PRKAR1B: variants seen among roughly 807,000 people sequenced by gnomAD.
PRKAR1B encodes protein kinase cAMP-dependent type I regulatory subunit beta.
PRKAR1B carries 22 observed loss-of-function variants against 46.5 expected under a neutral mutation model. That is an observed-to-expected ratio of 0.47 (90% CI 0.34 to 0.68). PRKAR1B has a LOEUF of 0.68. Among genes scored for constraint, PRKAR1B ranks in the 30% least tolerant of loss-of-function variants. The pLI is 0.01. For synonymous variants in PRKAR1B, 259 were observed against 217.7 expected (o/e 1.19, Z -1.67); for missense variants, 445 against 535.6 (o/e 0.83, Z 1.67).
intron 7 of PRKAR1B, among the ~76,000 whole-genome samples, chr7:594,621 G>A (rs1244430395): frequency 6.6e-6 from 1 of 152,100 alleles, no homozygotes; most frequent in East Asian, 1.9e-4. Context: ...GAGGCCATAA[G>A]GGGACACCTC....
chr7:678,770 C>T (rs1336745077), intron 3 of PRKAR1B, among the ~76,000 whole-genome samples: 1 of 152,244 alleles, frequency 6.6e-6, no homozygotes, highest in South Asian at 2.1e-4. Context: ...AAAAGCCACT[C>T]CAGTTCTAAC....
At chr7:659,810 G>A (rs1480151220) in intron 4 of PRKAR1B, among the ~76,000 whole-genome samples, 1 of 152,098 alleles carries the variant, frequency 6.6e-6, no homozygotes, top group Non-Finnish European at 1.5e-5. Context: ...GGGCTTAAGC[G>A]ACCTGCCACC....
chr7:593,137 C>T lies in PRKAR1B; in HGVS notation c.708+3009G>A, dbSNP rs573142768. ...TGGGAGCCTAGAGGTGGGGTCACCC[C>T]ATCCTTCCTCGGATAAAACGTGAAG... On this transcript the variant is annotated intron_variant, in intron 7 of 10. Coordinates refer to ENST00000537384, the MANE Select transcript of PRKAR1B (RefSeq NM_001164760.2). This position sits in a 1 kb window ranked among gnomAD's most constrained non-coding sequence, Gnocchi z 6.1. 1.1e-4 allele frequency among the ~76,000 whole-genome samples: 16 copies of T among 152,332 alleles called. No homozygotes were observed. In the East Asian group the frequency reaches 3.1e-3, roughly 29 times the overall value.
chr7:619,242 C>T (rs902874981), intron 4 of PRKAR1B, among the ~76,000 whole-genome samples: 5 of 152,196 alleles, frequency 3.3e-5, no homozygotes, highest in African/African-American at 1.2e-4. Flanking sequence ...GGCCAGATCC[C>T]CACACACAGC....
At chr7:631,374 C>T (rs1325174538) in intron 4 of PRKAR1B, among the ~76,000 whole-genome samples, 1 of 152,216 alleles carries the variant, frequency 6.6e-6, no homozygotes, top group African/African-American at 2.4e-5. Context: ...ACGGCACCCT[C>T]AGGCCCAGAC....
At chr7:598,637 G>T (rs980737072) in intron 6 of PRKAR1B, among the ~76,000 whole-genome samples, 1 of 143,518 alleles carries the variant, frequency 7.0e-6, no homozygotes, top group East Asian at 2.1e-4. Context: ...AGCACCCTCC[G>T]CACTAAACAC....
At chr7:561,688 G>A (rs547658436) in intron 9 of PRKAR1B, among the ~76,000 whole-genome samples, 1 of 152,382 alleles carries the variant, frequency 6.6e-6, no homozygotes, top group Admixed American at 6.5e-5. Context: ...GGACGACAGC[G>A]AAAACACACT....
At position 583,659 on chromosome 7, in the gene PRKAR1B, C is replaced by T. The variant is rs532220886; in HGVS notation, c.769+849G>A. Among the ~76,000 whole-genome samples, 494 of 145,536 alleles carry T rather than the reference C, an allele frequency of 3.4e-3. 15 individuals are homozygous for T. Among genetic ancestry groups the T allele is most frequent in the Admixed American group, 0.03 (451 of 14,924 alleles). On this transcript the variant is annotated intron_variant, in intron 8 of 10. Coordinates refer to ENST00000537384, the MANE Select transcript of PRKAR1B (RefSeq NM_001164760.2). The stretch of plus-strand genomic sequence containing the variant: ...ACACTCACATGCATGCACACCCATG[C>T]GCACACACCCACACACAACCCACAC...
At chr7:663,532 C>T (rs998895320) in intron 4 of PRKAR1B, among the ~76,000 whole-genome samples, 2 of 152,106 alleles carry the variant, frequency 1.3e-5, no homozygotes, top group African/African-American at 4.8e-5. Flanking sequence ...CCACCGTGCC[C>T]GGCCCATTCA....
intron 9 of PRKAR1B, among the ~76,000 whole-genome samples, chr7:575,908 G>A (rs773876651): frequency 1.3e-5 from 2 of 152,170 alleles, no homozygotes; most frequent in African/African-American, 4.8e-5. Flanking sequence ...TTCAGCTGTC[G>A]GTTTGCAATC....
chr7:705,673 C>G (rs578224805), intron 2 of PRKAR1B, among the ~76,000 whole-genome samples: 1 of 152,274 alleles, frequency 6.6e-6, no homozygotes, highest in African/African-American at 2.4e-5. Context: ...AGACAAGCTG[C>G]AATCCATCTA....
At chr7:616,465 T>C (rs1220187452) in intron 4 of PRKAR1B, among the ~76,000 whole-genome samples, 1 of 152,224 alleles carries the variant, frequency 6.6e-6, no homozygotes, top group East Asian at 1.9e-4. Context: ...TGGGAAACAG[T>C]GATGGAGCCC....
chr7:624,789 G>A (rs931687950), intron 4 of PRKAR1B, among the ~76,000 whole-genome samples: 1 of 152,178 alleles, frequency 6.6e-6, no homozygotes, highest in African/African-American at 2.4e-5. Flanking sequence ...ACGCCCCTCA[G>A]CTAGTTATTG....
chr7:550,677 A>G, intron 10 of PRKAR1B, 75 bp from the exon 11 acceptor site: 1 of 1,299,594 alleles, frequency 7.7e-7, no homozygotes, highest in Non-Finnish European at 1.0e-6. Flanking sequence ...TATGTCCAGG[A>G]CCCTGGAAGC....
intron 2 of PRKAR1B, among the ~76,000 whole-genome samples, chr7:681,215 C>A (rs1778665365): frequency 6.6e-6 from 1 of 151,848 alleles, no homozygotes; most frequent in Non-Finnish European, 1.5e-5. Flanking sequence ...TTCCTGAGGC[C>A]CCCCGAGCCA....
At chr7:610,356 TG>T (rs1782407876) in intron 4 of PRKAR1B, among the ~76,000 whole-genome samples, 1 of 152,174 alleles carries the variant, frequency 6.6e-6, no homozygotes, top group Non-Finnish European at 1.5e-5. Context: ...CCCAGGTGCC[TG>T]GGCGTGGCCC....
At chr7:571,953 C>T (rs558806086) in intron 9 of PRKAR1B, among the ~76,000 whole-genome samples, 8 of 152,342 alleles carry the variant, frequency 5.3e-5, no homozygotes, top group South Asian at 2.1e-4. Context: ...GGGAGCGAGC[C>T]GGGTGTCCGC....
intron 4 of PRKAR1B, among the ~76,000 whole-genome samples, chr7:674,642 TCCAGCCACAC>T (rs1165233064): frequency 6.6e-6 from 1 of 151,432 alleles, no homozygotes; most frequent in African/African-American, 2.4e-5. Flanking sequence ...ACCCAGCTAT[TCCAGCCACAC>T]CCAGCTACTC....
chr7:614,911 CA>C (rs1405694908), intron 4 of PRKAR1B, among the ~76,000 whole-genome samples: 9 of 151,794 alleles, frequency 5.9e-5, no homozygotes, highest in Non-Finnish European at 8.8e-5. Flanking sequence ...GACTTTGTCT[CA>C]AAAAAGGTAA....
Sources: gnomAD v4.1 joint callset for allele counts (sites outside exome capture counted in the v4.1 genomes callset) on GRCh38, gnomAD v4.1.1 for gene constraint, Gnocchi (gnomAD v3.1) non-coding constraint, MANE v1.5 for transcripts, NCBI Gene and HGNC (gene_info 2026-07-23, HGNC 2026-07-21) for gene names.